Variants in PCDHGA5 observed in about 807,000 individuals in gnomAD.
The protein encoded by PCDHGA5 is protocadherin gamma-A5.
Under a neutral mutation model 56.7 loss-of-function variants are expected in PCDHGA5, and 36 were observed. The ratio of observed to expected loss-of-function variants is 0.64; its 90% confidence interval spans 0.49 to 0.84. The LOEUF is 0.84. Ranked by LOEUF, PCDHGA5 falls within the 40% of genes least tolerant of loss-of-function variation. The probability of loss-of-function intolerance (pLI) is 0.00; values close to 1 mark genes in which losing one functional copy is unlikely to be tolerated. For synonymous variants in PCDHGA5, 563 were observed against 520.2 expected, an observed-to-expected ratio of 1.08 and a Z score of -1.12; for missense variants, 1,305 against 1,201.5, an observed-to-expected ratio of 1.09 and a Z score of -1.27.
Position 141,487,540 on chromosome 5 carries a change from G to T in PCDHGA5, c.2422-7267G>T, listed in dbSNP as rs1319372340. The T allele has an allele frequency of 1.2e-6, 2 of 1,614,208 alleles. No homozygotes were observed. Among genetic ancestry groups the T allele is most frequent in the Admixed American group, 3.3e-5 (2 of 60,034 alleles). ...GGAGTGATAGCTTCATGATGGTGAA[G>T]TCACCCAGTGCACCTATGGCAGGGG... is the stretch of plus-strand genomic sequence containing the variant. On this transcript the variant is annotated intron_variant, in intron 1 of 3. Transcript: ENST00000518069. This position sits in a 1 kb window ranked among gnomAD's most constrained non-coding sequence, Gnocchi z 5.0.
intron 1 of PCDHGA5, chr5:141,419,602 C>T (rs757423030): frequency 6.2e-7 from 1 of 1,611,874 alleles, no homozygotes; most frequent in Admixed American, 1.7e-5. Flanking sequence ...TGCCGCGGGC[C>T]GCGCAGCCAG....
At chr5:141,374,109 A>C (rs1422319467) in intron 1 of PCDHGA5, 1 of 1,576,270 alleles carries the variant, frequency 6.3e-7, no homozygotes, top group Admixed American at 1.8e-5. Flanking sequence ...AGGCATCCGC[A>C]GCGCAGCGAG....
chr5:141,405,185 G>C (rs777099869), intron 1 of PCDHGA5: 4 of 1,613,066 alleles, frequency 2.5e-6, no homozygotes, highest in Non-Finnish European at 3.4e-6. Context: ...GGGTGTAGAT[G>C]GGGTTCGAGC....
At chr5:141,418,685 G>A (rs750217981) in intron 1 of PCDHGA5, 1 of 1,614,056 alleles carries the variant, frequency 6.2e-7, no homozygotes, top group African/African-American at 1.3e-5. Context: ...CATCAACTCA[G>A]AGATCACTTA....
At chr5:141,426,586 G>A (rs2096944939) in intron 1 of PCDHGA5, 1 of 363,442 alleles carries the variant, frequency 2.8e-6, no homozygotes, top group African/African-American at 2.1e-5. Flanking sequence ...AAAATCCTCT[G>A]TGTCATACCC....
chr5:141,415,102 A>C, intron 1 of PCDHGA5: 1 of 1,613,550 alleles, frequency 6.2e-7, no homozygotes. Flanking sequence ...AGACGCGCTC[A>C]AGCAAAGCCT....
At chr5:141,383,492 G>A (rs1012277194) in intron 1 of PCDHGA5, 4 of 1,613,060 alleles carry the variant, frequency 2.5e-6, no homozygotes, top group African/African-American at 2.7e-5. Context: ...GTGCTGGAGC[G>A]GGTGCTGGAC....
intron 1 of PCDHGA5, chr5:141,412,158 G>A (rs188069449): frequency 1.3e-5 from 2 of 152,324 alleles, no homozygotes; most frequent in East Asian, 3.9e-4. Context: ...CCTAAGAGAA[G>A]AGATTATTTA....
intron 1 of PCDHGA5, chr5:141,397,962 A>T: frequency 1.9e-6 from 2 of 1,037,030 alleles, no homozygotes; most frequent in Admixed American, 2.9e-5. Context: ...CCCAGCTCAG[A>T]CTCCCCAGCG....
Position 141,374,537 on chromosome 5 carries a change from T to G in PCDHGA5, c.2421+7786T>G, listed in dbSNP as rs1430968090. Reference sequence around the variant, plus strand: ...CGAAAACGCAGCTCCATCCTCTCGTTTTCCACTAATGGAGGTCTATGACCC... The same window carrying G: ...CGAAAACGCAGCTCCATCCTCTCGTGTTCCACTAATGGAGGTCTATGACCC... On this transcript the variant is annotated intron_variant, in intron 1 of 3. Coordinates refer to ENST00000518069, the MANE Select transcript of PCDHGA5 (RefSeq NM_018918.3). 4 of 1,613,198 alleles carry G rather than the reference T, an allele frequency of 2.5e-6. No individual in the cohort carries two copies. In the Admixed American group the frequency reaches 5.0e-5, roughly 20 times the overall value.
intron 1 of PCDHGA5, among the ~76,000 whole-genome samples, chr5:141,386,959 G>A (rs1339408726): frequency 6.6e-6 from 1 of 152,220 alleles, no homozygotes; most frequent in Non-Finnish European, 1.5e-5. Flanking sequence ...CAGTGCAGCA[G>A]ATCTCAGTGA....
In PCDHGA5 at chr5:141,432,725, G is replaced by T; in HGVS notation, c.2422-62082G>T. The T allele has an allele frequency of 6.2e-7, 1 of 1,614,014 alleles. No individual in the cohort carries two copies. On this transcript the variant is annotated intron_variant, in intron 1 of 3. Coordinates refer to ENST00000518069, the MANE Select transcript of PCDHGA5 (RefSeq NM_018918.3). The surrounding 1 kb of genome is among the most constrained non-coding windows in gnomAD (Gnocchi z 6.0). ...GGACCACGGCCAGCCCCCTCTCTCC[G>T]CCACTGTCACGCTCACCGTGGCCGT...
At chr5:141,454,796 ATTTTTTT>A (rs61612330) in intron 1 of PCDHGA5, among the ~76,000 whole-genome samples, 2,943 of 77,244 alleles carry the variant, frequency 0.038, 52 homozygotes, top group African/African-American at 0.09. Context: ...CATGGTTCTA[ATTTTTTT>A]TTTTTTTTTT....
intron 1 of PCDHGA5, chr5:141,389,656 C>T (rs763730959): frequency 1.2e-6 from 2 of 1,612,538 alleles, no homozygotes; most frequent in Non-Finnish European, 1.7e-6. Context: ...AAGGTAGTGG[C>T]GGTGGACGCA....
At chr5:141,375,731 C>T (rs370856492) in intron 1 of PCDHGA5, 146 of 1,614,138 alleles carry the variant, frequency 9.0e-5, no homozygotes, top group Non-Finnish European at 1.2e-4. Context: ...GTCACTGAGC[C>T]TGTTTGTGCT....
chr5:141,398,975 G>A, intron 1 of PCDHGA5: 2 of 1,613,926 alleles, frequency 1.2e-6, no homozygotes, highest in Middle Eastern at 1.6e-4. Context: ...TCCTTCTACA[G>A]AACCGGGCAA....
At chr5:141,384,839 AGGACCAC>A in intron 1 of PCDHGA5, 1 of 1,613,462 alleles carries the variant, frequency 6.2e-7, no homozygotes, top group East Asian at 2.2e-5. Context: ...GTGGCCGTCC[AGGACCAC>A]GGTCAGCCTC....
chr5:141,369,203 TG>T (rs1766087260), intron 1 of PCDHGA5, among the ~76,000 whole-genome samples: 1 of 152,170 alleles, frequency 6.6e-6, no homozygotes, highest in Non-Finnish European at 1.5e-5. Context: ...GATGGTAAAC[TG>T]GGGACCAAGG....
intron 1 of PCDHGA5, chr5:141,394,054 AT>A: frequency 6.2e-7 from 1 of 1,613,802 alleles, no homozygotes; most frequent in Non-Finnish European, 8.5e-7. Flanking sequence ...GACCGAGAAA[AT>A]GTCTCTATCT....
Sources: allele counts gnomAD v4.1 joint callset (sites outside exome capture counted in the v4.1 genomes callset), GRCh38; gene constraint gnomAD v4.1.1; non-coding constraint Gnocchi (gnomAD v3.1); transcripts MANE v1.5; gene names NCBI Gene and HGNC (gene_info 2026-07-23, HGNC 2026-07-21).